The following ATP9A variants were observed in gnomAD, a reference collection of about 807,000 sequenced individuals.
The protein encoded by ATP9A is probable phospholipid-transporting ATPase IIA.
In ATP9A, 52 loss-of-function variants were observed where a neutral mutation model predicts 144.1. The ratio of observed to expected loss-of-function variants is 0.36; its 90% CI spans 0.29 to 0.45. ATP9A has a LOEUF of 0.45. Among genes scored for constraint, ATP9A ranks in the 20% least tolerant of loss-of-function variants. The pLI is 1.00. For synonymous variants in ATP9A, 582 were observed against 557.4 expected (o/e 1.04, Z -0.62); for missense variants, 947 against 1,392.7 (o/e 0.68, Z 5.09).
intron 21 of ATP9A, 30 bp downstream of exon 21, chr20:51,618,632 G>A (rs376351002): frequency 1.4e-5 from 23 of 1,595,714 alleles, no homozygotes; most frequent in Non-Finnish European, 1.9e-5. Context: ...GGCAGGCCAG[G>A]GCCAGCAGCA....
chr20:51,630,427 G>A (rs1179070733), intron 15 of ATP9A, among the ~76,000 whole-genome samples: 1 of 152,096 alleles, frequency 6.6e-6, no homozygotes, highest in Non-Finnish European at 1.5e-5. Flanking sequence ...CTCAAGCTGG[G>A]TGTGGTGGCT....
In ATP9A at chr20:51,600,269, CT is replaced by C. The variant is rs1197877325; in HGVS notation, c.*941del. On this transcript the variant is annotated 3_prime_UTR_variant, in exon 28 of 28. Transcript: ENST00000338821. Reference sequence around the variant, plus strand: ...GAGTCCCAGCCCCCTGACCTTTCCGCTTTGGTCTTGGAGGATCTGAGTCACA... The same window carrying C: ...GAGTCCCAGCCCCCTGACCTTTCCGCTTGGTCTTGGAGGATCTGAGTCACA... The C allele has an allele frequency of 1.3e-5, 2 of 152,244 alleles. No individual in the cohort carries two copies. Among genetic ancestry groups the C allele is most frequent in the East Asian group, 3.8e-4 (2 of 5,202 alleles). 9.4% of individuals were successfully genotyped at this position (152,244 alleles called of 1,614,324 possible). A position where few individuals can be genotyped will look rare whatever the true frequency, so the allele number is the denominator to read the frequency against.
At position 51,729,922 on chromosome 20, in the gene ATP9A, C is replaced by A; in HGVS notation, c.125G>T (p.Trp42Leu). The A allele has an allele frequency of 1.2e-6, 2 of 1,604,304 alleles. No individual in the cohort carries two copies. The highest frequency in any genetic ancestry group is 2.2e-5 in the South Asian group (2 of 90,298). ...GTCTCTCTTCTCGGGGTGCCCCAGCCAGACAGTGCGGGGCCTGGCCTCCCC... is the reference window on the plus strand; with the variant it reads ...GTCTCTCTTCTCGGGGTGCCCCAGCAAGACAGTGCGGGGCCTGGCCTCCCC... Reference protein sequence around the residue: ...GGGEARPRTVWLGHPEKRDQR... With the variant: ...GGGEARPRTVLLGHPEKRDQR... The change falls in exon 2 of 28, where the codon TGG becomes TTG. Residue 42 changes from tryptophan (W) to leucine (L), a missense_variant. Physicochemically the swap from Trp to Leu is moderately conservative, Grantham distance 61. This residue lies in a region of ATP9A where 770 missense variants were observed against 1,047.9 expected (regional missense o/e 0.73). Coordinates refer to ENST00000338821, the MANE Select transcript of ATP9A (RefSeq NM_006045.3).
chr20:51,745,108 C>T (rs897918043), intron 1 of ATP9A, among the ~76,000 whole-genome samples: 1 of 152,066 alleles, frequency 6.6e-6, no homozygotes, highest in African/African-American at 2.4e-5. Context: ...ACCCTGCCGT[C>T]TCTACTAAAA....
At chr20:51,733,002 A>T (rs776632553) in intron 1 of ATP9A, among the ~76,000 whole-genome samples, 1 of 151,998 alleles carries the variant, frequency 6.6e-6, no homozygotes, top group Non-Finnish European at 1.5e-5. Flanking sequence ...GTACAGTTCT[A>T]ATGAAAGATG....
At chr20:51,720,208 G>C (rs1490069180) in intron 3 of ATP9A, among the ~76,000 whole-genome samples, 2 of 152,196 alleles carry the variant, frequency 1.3e-5, no homozygotes, top group Non-Finnish European at 2.9e-5. Flanking sequence ...TCATGTGAAT[G>C]TACTACCTTT....
chr20:51,681,189 G>C (rs1164014734), intron 9 of ATP9A, among the ~76,000 whole-genome samples: 1 of 152,130 alleles, frequency 6.6e-6, no homozygotes, highest in Admixed American at 6.5e-5. Flanking sequence ...GTAATGTTAT[G>C]AGACCAAGTT....
At chr20:51,686,007 G>C (rs1029165755) in intron 9 of ATP9A, among the ~76,000 whole-genome samples, 1 of 152,118 alleles carries the variant, frequency 6.6e-6, no homozygotes, top group Non-Finnish European at 1.5e-5. Flanking sequence ...AAAACGAATA[G>C]AATACTATGC....
chr20:51,658,891 G>GGGGCGGT (rs2077399188), intron 13 of ATP9A, among the ~76,000 whole-genome samples: 1 of 54,238 alleles, frequency 1.8e-5, no homozygotes, highest in East Asian at 3.4e-3. Flanking sequence ...CCACTGGCGG[G>GGGGCGGT]GGGGGGGGGG....
chr20:51,633,001 G>A (rs2122737461), intron 15 of ATP9A, among the ~76,000 whole-genome samples: 1 of 152,230 alleles, frequency 6.6e-6, no homozygotes, highest in Non-Finnish European at 1.5e-5. Flanking sequence ...GCAGGTGCCT[G>A]TAATCCCAGC....
chr20:51,633,008 C>T (rs2077275907), intron 15 of ATP9A, among the ~76,000 whole-genome samples: 1 of 152,080 alleles, frequency 6.6e-6, no homozygotes, highest in South Asian at 2.1e-4. Flanking sequence ...CCTGTAATCC[C>T]AGCTACTCAG....
At position 51,729,837 on chromosome 20, in the gene ATP9A, A is replaced by G; in HGVS notation, c.210T>C (p.Pro70=). 1 of 1,583,968 alleles carries G rather than the reference A, an allele frequency of 6.3e-7. No individual in the cohort carries two copies. Residue 70 remains proline, a synonymous_variant, in exon 2 of 28, where the codon CCT becomes CCC. Transcript: ENST00000338821. ...NQKYNFFTFL[P]GVLFNQFKYF... The stretch of plus-strand genomic sequence containing the variant: ...CACGGTCCCTGCCTGCACGTACCCC[A>G]GGAAGAAAGGTGAAGAAATTGTACT...
rs60931238 is a variant in ATP9A, at chr20:51,764,876, A to C, written c.68+3426T>G. 4.9e-3 allele frequency among the ~76,000 whole-genome samples: 748 copies of C among 152,002 alleles called. 6 individuals are homozygous for C. The highest frequency in any genetic ancestry group is 0.017 in the African/African-American group (697 of 41,456). On this transcript the variant is annotated intron_variant, in intron 1 of 27. Coordinates refer to ENST00000338821, the MANE Select transcript of ATP9A (RefSeq NM_006045.3). ...AGCTGGAATTACAGGCACCACCACC[A>C]CACCCGGCTAATTTTTGTATTTTTA...
Position 51,670,088 on chromosome 20 carries a change from A to T in ATP9A, c.1202T>A (p.Met401Lys). 6.2e-7 allele frequency: 1 copy of T among 1,614,166 alleles called. No homozygotes were observed. The highest frequency in any genetic ancestry group is 1.1e-5 in the South Asian group (1 of 91,084). The change falls in exon 13 of 28, where the codon ATG becomes AAG. Residue 401 changes from methionine to lysine, a missense_variant. By Grantham distance (95) the Met-to-Lys change is moderately conservative. Around this residue, in one of 2 missense-constraint regions of ATP9A, gnomAD observed 770 missense variants for 1,047.9 expected, o/e 0.73. Coordinates refer to ENST00000338821, the MANE Select transcript of ATP9A (RefSeq NM_006045.3). ...TCCGAGATGGAGCCGTTTGAAAATCATCTCGTTCTGGGTAAGAGTGCCTAA... is the reference window on the plus strand; with the variant it reads ...TCCGAGATGGAGCCGTTTGAAAATCTTCTCGTTCTGGGTAAGAGTGCCTAA... ...DKTGTLTQNE[M>K]IFKRLHLGTV...
At chr20:51,648,510 C>T (rs905765975) in intron 14 of ATP9A, among the ~76,000 whole-genome samples, 48 of 152,220 alleles carry the variant, frequency 3.2e-4, no homozygotes, top group African/African-American at 1.0e-3. Context: ...GGTGTACGTA[C>T]GCAGAAGAAT....
At chr20:51,669,609 T>C (rs1312790607) in intron 13 of ATP9A, among the ~76,000 whole-genome samples, 1 of 152,218 alleles carries the variant, frequency 6.6e-6, no homozygotes, top group Non-Finnish European at 1.5e-5. Context: ...AGGTTCCTTC[T>C]GGTTCTATTT....
intron 16 of ATP9A, among the ~76,000 whole-genome samples, chr20:51,627,952 G>A (rs1251701152): frequency 6.6e-6 from 1 of 152,086 alleles, no homozygotes; most frequent in Non-Finnish European, 1.5e-5. Context: ...AACATTGTGC[G>A]GTCTCACACA....
chr20:51,601,316 C>A lies in ATP9A; in HGVS notation c.3039G>T (p.Leu1013Phe). 6.2e-7 allele frequency: 1 copy of A among 1,613,200 alleles called. No homozygotes were observed. The highest frequency in any genetic ancestry group is 8.5e-7 in the Non-Finnish European group (1 of 1,179,616). Residue 1013 changes from leucine to phenylalanine, a missense_variant, in exon 28 of 28, where the codon TTG becomes TTT. Around this residue, in one of 2 missense-constraint regions of ATP9A, gnomAD observed 177 missense variants for 344.9 expected, o/e 0.51. Transcript: ENST00000338821. ...CCAGAGTGATGACGGAGACTTTCCA[C>A]AAGAATGACAAGGTGGCGATGAAGT... ...DVYFIATLSF[L>F]WKVSVITLVS...
intron 14 of ATP9A, among the ~76,000 whole-genome samples, chr20:51,648,681 A>T (rs1192782552): frequency 1.3e-5 from 2 of 152,044 alleles, no homozygotes; most frequent in Admixed American, 6.6e-5. Flanking sequence ...AAAATACAAA[A>T]ATTATCCAGG....
Sources: gnomAD v4.1 joint callset for allele counts (sites outside exome capture counted in the v4.1 genomes callset) on GRCh38, gnomAD v4.1.1 for gene constraint, gnomAD v4.1.1 regional missense constraint, MANE v1.5 for transcripts, NCBI Gene and HGNC (gene_info 2026-07-23, HGNC 2026-07-21) for gene names.